BMP6: variants seen among roughly 807,000 people sequenced by gnomAD.
The protein encoded by BMP6 is VG-1-R.
A neutral mutation model predicts 54.1 loss-of-function variants in BMP6; 17 were observed. The observed-to-expected ratio is 0.31, with a 90% CI of 0.22 to 0.47. BMP6 has a LOEUF of 0.47. BMP6 is among the 20% of genes least tolerant of loss of function. The pLI, the probability that BMP6 is intolerant of heterozygous loss-of-function variation, is 1.00. For synonymous variants in BMP6, 328 were observed against 291.2 expected, an observed-to-expected ratio of 1.13 and a Z score of -1.28; for missense variants, 720 against 690.4, an observed-to-expected ratio of 1.04 and a Z score of -0.48.
chr6:7,850,212 G>A (rs563053717), intron 2 of BMP6, among the ~76,000 whole-genome samples: 4 of 152,100 alleles, frequency 2.6e-5, no homozygotes, highest in South Asian at 4.2e-4. Flanking sequence ...GTGCGATCTC[G>A]GCTCACTGCA....
rs575932407 is a variant in BMP6, at chr6:7,881,365, T to C, written c.*1022T>C. On this transcript the variant is annotated 3_prime_UTR_variant, in exon 7 of 7. Transcript: ENST00000283147. The stretch of plus-strand genomic sequence containing the variant: ...TTTCTAAATGTCTTTTTCACAATCA[T>C]GTACTGGGAAGGCAATTTCATACTA... The C allele has an allele frequency of 1.3e-5, 2 of 152,630 alleles. No homozygotes were observed. Among genetic ancestry groups the C allele is most frequent in the Admixed American group, 6.5e-5 (1 of 15,276 alleles). 9.5% of individuals were successfully genotyped at this position (152,630 alleles called of 1,614,324 possible).
rs79590800 is a variant in BMP6, at chr6:7,827,388, C to T, written c.665-17752C>T. Among the ~76,000 whole-genome samples the T allele has an allele frequency of 8.7e-3, 1,329 of 152,330 alleles. 18 individuals are homozygous for T. Among genetic ancestry groups the T allele is most frequent in the African/African-American group, 0.03 (1,257 of 41,572 alleles). On this transcript the variant is annotated intron_variant, in intron 1 of 6. Transcript: ENST00000283147. ...GTGAATCACCAGAGCAAAGAATGTG[C>T]TCTCTGGTGCTACACCAATAATAAA...
At chr6:7,765,687 C>T (rs1446673522) in intron 1 of BMP6, among the ~76,000 whole-genome samples, 1 of 152,222 alleles carries the variant, frequency 6.6e-6, no homozygotes, top group African/African-American at 2.4e-5. Flanking sequence ...TTACCACAAA[C>T]CTAGTGGCTT....
chr6:7,853,315 T>G (rs1201952649), intron 2 of BMP6, among the ~76,000 whole-genome samples: 3 of 152,184 alleles, frequency 2.0e-5, no homozygotes, highest in Non-Finnish European at 4.4e-5. Context: ...CATTTGGAAA[T>G]CTTTTTAATG....
rs1379236168 is a variant in BMP6, at chr6:7,726,897, G to A, written c.-59G>A. 1.4e-5 allele frequency: 15 copies of A among 1,068,898 alleles called. No individual in the cohort carries two copies. Among genetic ancestry groups the A allele is most frequent in the African/African-American group, 1.7e-5 (1 of 58,790 alleles). 66.2% of individuals were successfully genotyped at this position (1,068,898 alleles called of 1,614,324 possible). On this transcript the variant is annotated 5_prime_UTR_variant, in exon 1 of 7. Coordinates refer to ENST00000283147, the MANE Select transcript of BMP6 (RefSeq NM_001718.6). ...CAAGGGCCACAGCGGCCGCGCTCCG[G>A]CCTCGCTCCGCCGCTCCACGCCTCG...
chr6:7,846,298 A>T (rs559680004), intron 2 of BMP6, among the ~76,000 whole-genome samples: 1 of 152,316 alleles, frequency 6.6e-6, no homozygotes, highest in African/African-American at 2.4e-5. Context: ...CCAGGTTCCC[A>T]CTTTTGGTCT....
chr6:7,842,095 C>A (rs991459832), intron 1 of BMP6, among the ~76,000 whole-genome samples: 8 of 152,154 alleles, frequency 5.3e-5, no homozygotes, highest in Non-Finnish European at 7.4e-5. Flanking sequence ...CTCCTCTTTT[C>A]CTCCCATCCC....
Position 7,781,183 on chromosome 6 carries a change from A to G in BMP6, c.664+53564A>G, listed in dbSNP as rs112683130. ...ATTCAGTAGCCAAGAGACTGTTTAT[A>G]TTCTGCTTAATCCTCACCAAATTTC... On this transcript the variant is annotated intron_variant, in intron 1 of 6. Coordinates refer to ENST00000283147, the MANE Select transcript of BMP6 (RefSeq NM_001718.6). 5.1e-3 allele frequency among the ~76,000 whole-genome samples: 780 copies of G among 152,316 alleles called. 12 individuals are homozygous for G. The highest frequency in any genetic ancestry group is 0.018 in the African/African-American group (740 of 41,562).
chr6:7,851,673 A>G (rs1186779200), intron 2 of BMP6, among the ~76,000 whole-genome samples: 1 of 152,138 alleles, frequency 6.6e-6, no homozygotes, highest in Non-Finnish European at 1.5e-5. Flanking sequence ...TTAATATTTC[A>G]TCATTAAGAA....
At chr6:7,749,543 CTA>C (rs1386212047) in intron 1 of BMP6, among the ~76,000 whole-genome samples, 1 of 152,192 alleles carries the variant, frequency 6.6e-6, no homozygotes, top group African/African-American at 2.4e-5. Flanking sequence ...GTCAAAGGAA[CTA>C]TAGCCTGTTG....
intron 1 of BMP6, among the ~76,000 whole-genome samples, chr6:7,734,398 C>T (rs922332174): frequency 2.0e-5 from 3 of 152,152 alleles, no homozygotes; most frequent in African/African-American, 7.2e-5. Context: ...GAGGGACAAT[C>T]CATGAAAACA....
At position 7,784,208 on chromosome 6, in the gene BMP6, CCA is replaced by C. The variant is rs376086236; in HGVS notation, c.664+56590_664+56591del. ...AACCAAAAATAGTCTTTCCTTCTTC[CCA>C]GTTTCCTTTTGTGATTGTTGACATT... On this transcript the variant is annotated intron_variant, in intron 1 of 6. Coordinates refer to ENST00000283147, the MANE Select transcript of BMP6 (RefSeq NM_001718.6). 7.6e-3 allele frequency among the ~76,000 whole-genome samples: 1,162 copies of C among 152,244 alleles called. 26 individuals carry two copies. Among genetic ancestry groups the C allele is most frequent in the African/African-American group, 0.027 (1,104 of 41,532 alleles).
At chr6:7,852,228 G>C (rs984003096) in intron 2 of BMP6, among the ~76,000 whole-genome samples, 4 of 152,140 alleles carry the variant, frequency 2.6e-5, no homozygotes, top group African/African-American at 9.7e-5. Flanking sequence ...ATGTATTAAG[G>C]CTTATCTGTT....
intron 4 of BMP6, among the ~76,000 whole-genome samples, chr6:7,871,327 C>T (rs188990920): frequency 1.8e-4 from 28 of 152,334 alleles, no homozygotes; most frequent in Admixed American, 1.5e-3. Context: ...CTGAAAGCCG[C>T]GCTGCTAAAG....
At chr6:7,855,563 T>C (rs1482678643) in intron 2 of BMP6, among the ~76,000 whole-genome samples, 14 of 142,846 alleles carry the variant, frequency 9.8e-5, no homozygotes, top group African/African-American at 2.1e-4. Flanking sequence ...CTTTTTTTTT[T>C]TTTTTTTTTT....
intron 1 of BMP6, among the ~76,000 whole-genome samples, chr6:7,758,137 A>G (rs978027177): frequency 1.3e-5 from 2 of 152,224 alleles, no homozygotes; most frequent in South Asian, 2.1e-4. Flanking sequence ...GAAGATGCCA[A>G]TCAAACATAA....
chr6:7,749,032 A>G (rs1292714965), intron 1 of BMP6, among the ~76,000 whole-genome samples: 1 of 152,226 alleles, frequency 6.6e-6, no homozygotes, highest in Non-Finnish European at 1.5e-5. Flanking sequence ...CATTGATGCT[A>G]CTAGTATTCT....
chr6:7,846,773 A>C (rs1347131520), intron 2 of BMP6, among the ~76,000 whole-genome samples: 1 of 152,176 alleles, frequency 6.6e-6, no homozygotes, highest in African/African-American at 2.4e-5. Context: ...TTTTGTTGCT[A>C]GATTTTTGTC....
At chr6:7,766,153 G>C (rs1329003817) in intron 1 of BMP6, among the ~76,000 whole-genome samples, 1 of 152,182 alleles carries the variant, frequency 6.6e-6, no homozygotes. Flanking sequence ...TTTTAAAGGG[G>C]AGATTCTTTC....
Sources: gnomAD v4.1 joint callset for allele counts (sites outside exome capture counted in the v4.1 genomes callset) on GRCh38, gnomAD v4.1.1 for gene constraint, MANE v1.5 for transcripts, NCBI Gene and HGNC (gene_info 2026-07-23, HGNC 2026-07-21) for gene names.